PRKD2: variants seen among roughly 807,000 people sequenced by gnomAD.
PRKD2 encodes serine/threonine-protein kinase D2.
Under a neutral mutation model 86.0 loss-of-function variants are expected in PRKD2, and 22 were observed. The observed-to-expected ratio is 0.26, with a 90% CI of 0.18 to 0.37. The LOEUF is 0.37. Among genes scored for constraint, PRKD2 ranks in the 10% least tolerant of loss-of-function variants. The pLI is 1.00. For synonymous variants in PRKD2, 509 were observed against 510.9 expected (o/e 1.00, Z 0.05); for missense variants, 818 against 1,199.2 (o/e 0.68, Z 4.70).
Position 46,678,624 on chromosome 19 carries a change from C to A in PRKD2, c.2110G>T (p.Glu704Ter), listed in dbSNP as rs756792184. Residue 704 changes from glutamate to a stop codon, truncating the protein, a stop_gained, in exon 16 of 18, where the codon GAG becomes TAG. Coordinates refer to ENST00000291281, the MANE Select transcript of PRKD2 (RefSeq NM_016457.5). LOFTEE classifies it high-confidence loss of function. This position sits in a 1 kb window ranked among gnomAD's most constrained non-coding sequence, Gnocchi z 5.7. ...ACCACTGAGCGGCGGAACGACTTCT[C>A]GCCGATGATGCGAGCAAAGCCAAAG... ...CDFGFARIIGEKSFRRSVVGT... is the reference protein window; with the variant it reads ...CDFGFARIIG 1 of 1,610,386 alleles carries A rather than the reference C, an allele frequency of 6.2e-7. No homozygotes were observed. Among genetic ancestry groups the A allele is most frequent in the Non-Finnish European group, 8.5e-7 (1 of 1,179,984 alleles).
chr19:46,699,044 G>A (rs539967272), intron 7 of PRKD2, among the ~76,000 whole-genome samples: 151 of 152,182 alleles, frequency 9.9e-4, no homozygotes, highest in Non-Finnish European at 1.5e-3. Context: ...ACACTCTGTC[G>A]TCACTGTGAC....
At chr19:46,700,281 C>T (rs921179042) in intron 7 of PRKD2, among the ~76,000 whole-genome samples, 2 of 151,118 alleles carry the variant, frequency 1.3e-5, no homozygotes, top group Non-Finnish European at 3.0e-5. Flanking sequence ...CCCAGATACT[C>T]GGGAGGCTGA....
At chr19:46,691,044 G>A (rs1056558041) in intron 12 of PRKD2, among the ~76,000 whole-genome samples, 3 of 152,160 alleles carry the variant, frequency 2.0e-5, no homozygotes, top group Non-Finnish European at 4.4e-5. Context: ...AGGGGAGGCA[G>A]ACTGACCATA....
At chr19:46,705,549 G>A (rs1408880994) in intron 3 of PRKD2, among the ~76,000 whole-genome samples, 2 of 152,182 alleles carry the variant, frequency 1.3e-5, no homozygotes, top group African/African-American at 2.4e-5. Flanking sequence ...CACTTTGGGA[G>A]GCCAAGGCCG....
At position 46,674,709 on chromosome 19, in the gene PRKD2, T is replaced by C; in HGVS notation, c.2451A>G (p.Arg817=). ...GCTCTCCCATCTTCCCCTCCAGCTC[T>C]CGGAGGTCCAGCCACGTCTGGTACT... is the stretch of plus-strand genomic sequence containing the variant. ...LQEYQTWLDL[R]ELEGKMGERY... Residue 817 remains arginine (R), a synonymous_variant, in exon 18 of 18, where the codon CGA becomes CGG. Coordinates refer to ENST00000291281, the MANE Select transcript of PRKD2 (RefSeq NM_016457.5). 4 of 1,605,492 alleles carry C rather than the reference T, an allele frequency of 2.5e-6. No individual in the cohort carries two copies. Among genetic ancestry groups the C allele is most frequent in the Non-Finnish European group, 3.4e-6 (4 of 1,179,926 alleles).
intron 15 of PRKD2, among the ~76,000 whole-genome samples, chr19:46,680,940 ATATATATT>A (rs1345689504): frequency 4.4e-3 from 224 of 51,068 alleles, no homozygotes; most frequent in Non-Finnish European, 8.1e-3. Context: ...ATATATATAT[ATATATATT>A]TTTTTTTTTT....
At chr19:46,699,918 T>TAAAAAA (rs56355930) in intron 7 of PRKD2, among the ~76,000 whole-genome samples, 1 of 107,310 alleles carries the variant, frequency 9.3e-6, no homozygotes, top group Non-Finnish European at 1.9e-5. Flanking sequence ...CCCCCTATCT[T>TAAAAAA]AAAAAAAAAA....
At chr19:46,714,217 T>C (rs2053850887) in intron 1 of PRKD2, 2 of 1,316,358 alleles carry the variant, frequency 1.5e-6, no homozygotes, top group Admixed American at 3.3e-5. Flanking sequence ...CGGCGTGGGT[T>C]TGGTGGCTGG....
intron 15 of PRKD2, among the ~76,000 whole-genome samples, chr19:46,680,946 A>ATATATATATTTTTTTTTT: frequency 4.6e-4 from 22 of 48,232 alleles, no homozygotes; most frequent in Non-Finnish European, 6.4e-4. Flanking sequence ...ATATATATAT[A>ATATATATATTTTTTTTTT]TTTTTTTTTT....
Position 46,710,976 on chromosome 19 carries a change from C to A in PRKD2, c.442G>T (p.Ala148Ser), listed in dbSNP as rs1476027505. The A allele has an allele frequency of 7.6e-6, 12 of 1,577,234 alleles. No individual in the cohort carries two copies. The highest frequency in any genetic ancestry group is 1.0e-5 in the Non-Finnish European group (12 of 1,161,524). The change falls in exon 3 of 18, where the codon GCG becomes TCG. Residue 148 changes from alanine to serine, a missense_variant. Coordinates refer to ENST00000291281, the MANE Select transcript of PRKD2 (RefSeq NM_016457.5). Reference sequence around the variant, plus strand: ...CCGCAGTGATCACAGAAGGCAGGCGCCCGATAGGAGTGCACCGTGAGGGCG... The same window carrying A: ...CCGCAGTGATCACAGAAGGCAGGCGACCGATAGGAGTGCACCGTGAGGGCG... ...PHALTVHSYR[A>S]PAFCDHCGEM...
At chr19:46,714,108 G>A in intron 1 of PRKD2, 107 bp from the exon 2 acceptor site, 5 of 1,462,770 alleles carry the variant, frequency 3.4e-6, no homozygotes, top group Admixed American at 2.3e-5. Context: ...CCCCGGAAAC[G>A]CAGAGACCCC....
At chr19:46,686,350 A>G (rs2053396654) in intron 14 of PRKD2, among the ~76,000 whole-genome samples, 1 of 151,820 alleles carries the variant, frequency 6.6e-6, no homozygotes, top group African/African-American at 2.4e-5. Context: ...ATAAAAAAAA[A>G]TTAGCCAGGT....
Position 46,704,589 on chromosome 19 carries a change from G to A in PRKD2, c.572C>T (p.Ala191Val), listed in dbSNP as rs144404837. The change falls in exon 4 of 18, where the codon GCC becomes GTC. Residue 191 changes from alanine to valine, a missense_variant. Physicochemically the swap from Ala to Val is moderately conservative, Grantham distance 64. This residue lies in a region of PRKD2 where 403 missense variants were observed against 518.6 expected (regional missense o/e 0.78). Transcript: ENST00000291281. Reference protein sequence around the residue: ...AFSIPNNCSGARKRRLSSTSL... With the variant: ...AFSIPNNCSGVRKRRLSSTSL... ...CGTGGATGACAGGCGCCGTTTGCGG[G>A]CCCCACTACAGTTGTTGGGGATGCT... 1.0e-3 allele frequency: 1,627 copies of A among 1,613,994 alleles called. 5 individuals carry two copies. Among genetic ancestry groups the A allele is most frequent in the Middle Eastern group, 4.5e-3 (27 of 6,060 alleles).
chr19:46,704,541 A>T lies in PRKD2; in HGVS notation c.620T>A (p.Val207Glu). 1 of 1,614,044 alleles carries T rather than the reference A, an allele frequency of 6.2e-7. No homozygotes were observed. The highest frequency in any genetic ancestry group is 8.5e-7 in the Non-Finnish European group (1 of 1,179,990). ...CAGGGACTCGGAGGTGCCGAGGCGC[A>T]CCGAGTGGCCACTGGCCAGAGACGT... ...SSTSLASGHSVRLGTSESLPC... is the reference protein window; with the variant it reads ...SSTSLASGHSERLGTSESLPC... The change falls in exon 4 of 18, where the codon GTG (valine) becomes GAG (glutamate). Residue 207 changes from valine (V) to glutamate (E), a missense_variant. Val to Glu is a moderately radical substitution (Grantham distance 121). Around this residue, in one of 5 missense-constraint regions of PRKD2, gnomAD observed 403 missense variants for 518.6 expected, o/e 0.78. Transcript: ENST00000291281.
chr19:46,680,148 C>T (rs1481620867), intron 15 of PRKD2, among the ~76,000 whole-genome samples: 2 of 152,162 alleles, frequency 1.3e-5, no homozygotes, highest in African/African-American at 4.8e-5. Context: ...ACCTTTGAAA[C>T]CAGCCACGCC....
chr19:46,687,899 C>T (rs919637217), intron 14 of PRKD2, among the ~76,000 whole-genome samples: 4 of 152,252 alleles, frequency 2.6e-5, no homozygotes, highest in South Asian at 4.1e-4. Context: ...GACACGGTCT[C>T]GCTCTGTCAC....
Position 46,674,361 on chromosome 19 carries a change from G to T in PRKD2, c.*162C>A. 2.8e-6 allele frequency: 2 copies of T among 717,516 alleles called. No individual in the cohort carries two copies. The highest frequency in any genetic ancestry group is 4.5e-6 in the Non-Finnish European group (2 of 445,550). 44.4% of individuals were successfully genotyped at this position (717,516 alleles called of 1,614,324 possible). A position where few individuals can be genotyped will look rare whatever the true frequency, so the allele number is the denominator to read the frequency against. ...GGCCAGAGATGAGTCCGTTTTAATT[G>T]CTGGGGAAACAGGGAGGGGCCTTGG... On this transcript the variant is annotated 3_prime_UTR_variant, in exon 18 of 18. Coordinates refer to ENST00000291281, the MANE Select transcript of PRKD2 (RefSeq NM_016457.5).
Position 46,675,531 on chromosome 19 carries a change from C to T in PRKD2, c.2339-413G>A, listed in dbSNP as rs545767798. ...CGATCTTGGCTCACTGCAACCTCCG[C>T]CTCCCGGGTTCATGTGATTCTCCTG... On this transcript the variant is annotated intron_variant, in intron 16 of 17. Transcript: ENST00000291281. Among the ~76,000 whole-genome samples the T allele has an allele frequency of 6.1e-4, 93 of 152,318 alleles. 1 individual carries two copies. Among genetic ancestry groups the T allele is most frequent in the South Asian group, 1.2e-3 (6 of 4,830 alleles).
In PRKD2 at chr19:46,704,642, C is replaced by A; in HGVS notation, c.519G>T (p.Gly173=). 1 of 1,605,016 alleles carries A rather than the reference C, an allele frequency of 6.2e-7. No individual in the cohort carries two copies. Among genetic ancestry groups the A allele is most frequent in the Non-Finnish European group, 8.5e-7 (1 of 1,174,694 alleles). ...AGGCACAGCGCTTGTGGTAGTTCAGCCCGCAGCCTGCAGGGGGCGCCAGAG... is the reference window on the plus strand; with the variant it reads ...AGGCACAGCGCTTGTGGTAGTTCAGACCGCAGCCTGCAGGGGGCGCCAGAG... ...VRQGLKCDGC[G]LNYHKRCAFS... Residue 173 remains glycine (G), a synonymous_variant, in exon 4 of 18, where the codon GGG becomes GGT. Transcript: ENST00000291281.
Sources: allele counts gnomAD v4.1 joint callset (sites outside exome capture counted in the v4.1 genomes callset), GRCh38; gene constraint gnomAD v4.1.1; regional missense constraint gnomAD v4.1.1; non-coding constraint Gnocchi (gnomAD v3.1); transcripts MANE v1.5; gene names NCBI Gene and HGNC (gene_info 2026-07-23, HGNC 2026-07-21).